ZFHX3: variants seen among roughly 807,000 people sequenced by gnomAD.
ZFHX3 encodes zinc finger homeobox 3, also known as zinc finger homeobox protein 3.
Under a neutral mutation model 279.1 loss-of-function variants are expected in ZFHX3, and 42 were observed. The ratio of observed to expected loss-of-function variants is 0.15; its 90% CI spans 0.12 to 0.19. ZFHX3 has a LOEUF of 0.19. Ranked by LOEUF, ZFHX3 falls within the 10% of genes least tolerant of loss-of-function variation. ZFHX3 has a pLI of 1.00. For synonymous variants in ZFHX3, 2,293 were observed against 1,957.8 expected, an observed-to-expected ratio of 1.17 and a Z score of -4.52; for missense variants, 4,981 against 4,754.0, an observed-to-expected ratio of 1.05 and a Z score of -1.40.
chr16:73,853,043 G>GA (rs1241035421), intron 1 of ZFHX3, among the ~76,000 whole-genome samples: 1 of 152,064 alleles, frequency 6.6e-6, no homozygotes, highest in Non-Finnish European at 1.5e-5. Flanking sequence ...CTCAAAACAA[G>GA]AAACATCAGT....
At chr16:73,425,583 G>A (rs1007684686) in intron 3 of ZFHX3, among the ~76,000 whole-genome samples, 1 of 152,088 alleles carries the variant, frequency 6.6e-6, no homozygotes, top group Admixed American at 6.6e-5. Context: ...AGGAGTTAAT[G>A]GGTTTGATGG....
In ZFHX3 at chr16:73,054,049, ATCTGGGGGGC is replaced by A. The variant is rs1965500693; in HGVS notation, c.-24+4471_-24+4480del. 2.1e-5 allele frequency among the ~76,000 whole-genome samples: 3 copies of A among 142,466 alleles called. 1 individual carries two copies. In the South Asian group the frequency reaches 7.4e-4, roughly 35 times the overall value. The allele number at this position is 142,466 out of a possible 152,430, so 93.5% of individuals were successfully genotyped here. A position where few individuals can be genotyped will look rare whatever the true frequency, so the allele number is the denominator to read the frequency against. The stretch of plus-strand genomic sequence containing the variant: ...GAGGAAAGGGGCTGAAGGGAAGATG[ATCTGGGGGGC>A]TGGGGGGAGGAGTGATAAAACCAGA... On this transcript the variant is annotated intron_variant, in intron 1 of 8. Transcript: ENST00000397992.
At chr16:73,044,258 T>A (rs576610802) in intron 1 of ZFHX3, among the ~76,000 whole-genome samples, 1 of 152,254 alleles carries the variant, frequency 6.6e-6, no homozygotes, top group East Asian at 1.9e-4. Context: ...CCCTATGAGG[T>A]TCACTGTAAT....
chr16:73,561,350 C>T (rs905114837), intron 2 of ZFHX3, among the ~76,000 whole-genome samples: 8 of 152,136 alleles, frequency 5.3e-5, no homozygotes, highest in Non-Finnish European at 1.0e-4. Context: ...TATTGTTTTA[C>T]CACTTTTACT....
Position 72,795,685 on chromosome 16 carries a change from A to G in ZFHX3, c.6997T>C (p.Cys2333Arg). The G allele has an allele frequency of 1.2e-6, 2 of 1,613,902 alleles. No homozygotes were observed. The highest frequency in any genetic ancestry group is 8.5e-7 in the Non-Finnish European group (1 of 1,179,990). Reference sequence around the variant, plus strand: ...AAGATGCGCTGAAACACCAGGCTACATTTTTTGCACTGGTAGTTCAAGTTG... The same window carrying G: ...AAGATGCGCTGAAACACCAGGCTACGTTTTTTGCACTGGTAGTTCAAGTTG... ...TSNLNYQCKK[C>R]SLVFQRIFDL... The change falls in exon 9 of 10, where the codon TGT becomes CGT. Residue 2333 changes from cysteine to arginine, a missense_variant. This residue lies in a region of ZFHX3 where 177 missense variants were observed against 244.2 expected (regional missense o/e 0.72). Transcript: ENST00000268489.
chr16:73,166,120 C>T (rs1395407151), intron 5 of ZFHX3, among the ~76,000 whole-genome samples: 1 of 152,106 alleles, frequency 6.6e-6, no homozygotes, highest in East Asian at 1.9e-4. Context: ...CGCATTGGAC[C>T]TAAGTAAATT....
At chr16:73,413,371 G>T (rs2017507898) in intron 3 of ZFHX3, among the ~76,000 whole-genome samples, 1 of 152,148 alleles carries the variant, frequency 6.6e-6, no homozygotes, top group Admixed American at 6.5e-5. Context: ...AGTGAAGGAG[G>T]ATGAGGCTGG....
intron 4 of ZFHX3, among the ~76,000 whole-genome samples, chr16:72,849,848 G>C (rs1304421539): frequency 1.0e-5 from 1 of 100,342 alleles, no homozygotes; most frequent in Non-Finnish European, 1.8e-5. Flanking sequence ...CTGCCACTTG[G>C]AGTTCACCTA....
At chr16:73,651,602 C>T (rs886140752) in intron 2 of ZFHX3, among the ~76,000 whole-genome samples, 15 of 144,172 alleles carry the variant, frequency 1.0e-4, no homozygotes, top group South Asian at 4.5e-4. Flanking sequence ...TTTGGGAGGC[C>T]GAGGTGGGCA....
chr16:73,888,311 C>A (rs1284734113), intron 1 of ZFHX3, among the ~76,000 whole-genome samples: 3 of 152,056 alleles, frequency 2.0e-5, no homozygotes, highest in Admixed American at 6.5e-5. Context: ...CCCTTCCCCC[C>A]ACGGAAACAT....
chr16:73,328,780 A>G (rs1414956068), intron 3 of ZFHX3, among the ~76,000 whole-genome samples: 1 of 152,236 alleles, frequency 6.6e-6, no homozygotes. Flanking sequence ...TCTATTCCTT[A>G]TGAAAATATT....
At chr16:73,565,227 C>A (rs1050185635) in intron 2 of ZFHX3, among the ~76,000 whole-genome samples, 1 of 151,464 alleles carries the variant, frequency 6.6e-6, no homozygotes. Flanking sequence ...TCACTCTGGC[C>A]TGAGCAACAG....
intron 1 of ZFHX3, among the ~76,000 whole-genome samples, chr16:73,792,865 C>CA (rs1555501990): frequency 6.7e-6 from 1 of 148,588 alleles, no homozygotes; most frequent in African/African-American, 2.5e-5. Flanking sequence ...CACCCCCCCC[C>CA]TCCCCTCTCT....
Position 73,208,727 on chromosome 16 carries a change from C to T in ZFHX3, c.-1104+48320G>A, listed in dbSNP as rs552973863. 5.3e-5 allele frequency among the ~76,000 whole-genome samples: 8 copies of T among 152,258 alleles called. No individual in the cohort carries two copies. In the East Asian group the frequency reaches 1.5e-3, roughly 29 times the overall value. ...CTTTGGTTGGTAGGATTAGAGATGC[C>T]TACTTTTCTGTACTTCCCCCAAGCC... On this transcript the variant is annotated intron_variant, in intron 5 of 17. Coordinates refer to the ZFHX3 transcript ENST00000641206.
At chr16:73,626,633 G>C (rs1446747095) in intron 2 of ZFHX3, among the ~76,000 whole-genome samples, 1 of 152,102 alleles carries the variant, frequency 6.6e-6, no homozygotes, top group Non-Finnish European at 1.5e-5. Context: ...GACCTTTGCT[G>C]TCAGTACCAT....
At chr16:73,665,294 A>G (rs1214453600) in intron 2 of ZFHX3, among the ~76,000 whole-genome samples, 1 of 149,830 alleles carries the variant, frequency 6.7e-6, no homozygotes, top group Non-Finnish European at 1.5e-5. Flanking sequence ...GCTCATTGCA[A>G]CCTCCACCTC....
chr16:73,032,755 C>A (rs1314041603), intron 1 of ZFHX3, among the ~76,000 whole-genome samples: 2 of 152,176 alleles, frequency 1.3e-5, no homozygotes, highest in Admixed American at 6.5e-5. Flanking sequence ...TCCTCCTCCC[C>A]CCAGCAGGTT....
intron 8 of ZFHX3, among the ~76,000 whole-genome samples, chr16:73,090,388 CA>C (rs1966058239): frequency 6.6e-6 from 1 of 152,140 alleles, no homozygotes; most frequent in Non-Finnish European, 1.5e-5. Context: ...GACCCTGTCT[CA>C]AATTAAGTAA....
chr16:73,474,580 C>A (rs1295725449), intron 2 of ZFHX3, among the ~76,000 whole-genome samples: 3 of 152,196 alleles, frequency 2.0e-5, no homozygotes, highest in Admixed American at 6.5e-5. Context: ...GTGGAGGCAG[C>A]AGCTTGACTC....
Sources: allele counts gnomAD v4.1 joint callset (sites outside exome capture counted in the v4.1 genomes callset), GRCh38; gene constraint gnomAD v4.1.1; regional missense constraint gnomAD v4.1.1; transcripts MANE v1.5; gene names NCBI Gene and HGNC (gene_info 2026-07-23, HGNC 2026-07-21).